Variants in WWOX observed in about 807,000 individuals in gnomAD.
WWOX encodes the protein WW domain containing oxidoreductase.
Under a neutral mutation model 46.2 loss-of-function variants are expected in WWOX, and 69 were observed. That is an observed-to-expected ratio of 1.49 (90% confidence interval 1.23 to 1.82). The LOEUF (loss-of-function observed/expected upper bound fraction) is 1.82, where lower values mean the gene tolerates loss of function less well. WWOX is among the 40% of genes most tolerant of loss of function. WWOX has a pLI of 0.00. For synonymous variants in WWOX, 359 were observed against 202.6 expected (o/e 1.77, Z -6.56); for missense variants, 919 against 542.6 (o/e 1.69, Z -6.89).
intron 8 of WWOX, among the ~76,000 whole-genome samples, chr16:79,184,113 C>T (rs192347879): frequency 6.6e-4 from 101 of 152,310 alleles, no homozygotes; most frequent in African/African-American, 2.4e-3. Context: ...ATTGCCAGCA[C>T]AATCACTGAA....
At chr16:79,052,935 A>G (rs2048196334) in intron 8 of WWOX, among the ~76,000 whole-genome samples, 1 of 108,786 alleles carries the variant, frequency 9.2e-6, no homozygotes, top group Non-Finnish European at 1.7e-5. Context: ...TCACTGATTC[A>G]TGGGGACCCT....
intron 5 of WWOX, among the ~76,000 whole-genome samples, chr16:78,336,804 G>A (rs1294135631): frequency 1.3e-5 from 2 of 152,032 alleles, no homozygotes; most frequent in Non-Finnish European, 2.9e-5. Context: ...GTTTTTGTTT[G>A]TTTTCGAGAC....
chr16:79,206,467 TACTA>T (rs1305275430), intron 8 of WWOX: 2 of 152,200 alleles, frequency 1.3e-5, no homozygotes, highest in African/African-American at 4.8e-5. Flanking sequence ...TAAATGGAAA[TACTA>T]ACTGTCCCTG....
intron 8 of WWOX, among the ~76,000 whole-genome samples, chr16:79,011,363 C>A (rs2047303879): frequency 6.6e-6 from 1 of 151,900 alleles, no homozygotes; most frequent in Non-Finnish European, 1.5e-5. Flanking sequence ...TCCAATCCTG[C>A]CCCCTTTGGA....
At chr16:78,510,721 G>A (rs148520386) in intron 8 of WWOX, among the ~76,000 whole-genome samples, 1,746 of 152,152 alleles carry the variant, frequency 0.011, 33 homozygotes, top group Middle Eastern at 0.041. Context: ...CAGATCCTTC[G>A]TATCAGTAAA....
chr16:78,544,639 A>C (rs1235758930), intron 8 of WWOX, among the ~76,000 whole-genome samples: 1 of 152,202 alleles, frequency 6.6e-6, no homozygotes, highest in African/African-American at 2.4e-5. Context: ...TAATTCCAGC[A>C]CTTTGAGAGG....
chr16:78,818,744 C>T (rs1006908502), intron 8 of WWOX, among the ~76,000 whole-genome samples: 1 of 152,182 alleles, frequency 6.6e-6, no homozygotes, highest in Non-Finnish European at 1.5e-5. Context: ...ACTAGCTTGC[C>T]AGTCAAGTCA....
intron 8 of WWOX, among the ~76,000 whole-genome samples, chr16:78,878,405 C>G (rs1373141923): frequency 1.3e-5 from 2 of 152,168 alleles, no homozygotes; most frequent in Non-Finnish European, 2.9e-5. Flanking sequence ...ACAAATTGAC[C>G]TCTCTAAGCC....
At chr16:78,866,141 C>G (rs2043998429) in intron 8 of WWOX, among the ~76,000 whole-genome samples, 1 of 152,144 alleles carries the variant, frequency 6.6e-6, no homozygotes, top group Non-Finnish European at 1.5e-5. Context: ...ACATAGATTT[C>G]CCATCTAGCT....
intron 8 of WWOX, among the ~76,000 whole-genome samples, chr16:78,735,353 A>G (rs1028734615): frequency 7.9e-5 from 12 of 151,798 alleles, no homozygotes; most frequent in Middle Eastern, 3.4e-3. Flanking sequence ...GGTTCTCCAG[A>G]GAATCAGAAC....
chr16:78,688,799 C>T (rs759877547), intron 8 of WWOX, among the ~76,000 whole-genome samples: 1 of 152,138 alleles, frequency 6.6e-6, no homozygotes. Context: ...TCATAATCCC[C>T]ACGTGTCATG....
intron 6 of WWOX, among the ~76,000 whole-genome samples, chr16:78,405,878 G>T (rs1284792542): frequency 6.6e-6 from 1 of 152,146 alleles, no homozygotes; most frequent in African/African-American, 2.4e-5. Context: ...GCAGACACAG[G>T]TGACGAAGTG....
At chr16:78,549,495 G>A (rs1032842459) in intron 8 of WWOX, among the ~76,000 whole-genome samples, 1 of 152,050 alleles carries the variant, frequency 6.6e-6, no homozygotes. Context: ...AAGTTGGATC[G>A]ACCATTAATC....
rs141645792 is a variant in WWOX at position 78,472,045 on chromosome 16, T to C, written c.1056+39293T>C. On this transcript the variant is annotated intron_variant, in intron 8 of 8. Transcript: ENST00000566780. Reference sequence around the variant, plus strand: ...CTTTGATTATTCTGGTTAGGTGTTATGATGCCAATTTGCCCACACATTTTT... The same window carrying C: ...CTTTGATTATTCTGGTTAGGTGTTACGATGCCAATTTGCCCACACATTTTT... 2.3e-3 allele frequency among the ~76,000 whole-genome samples: 351 copies of C among 152,372 alleles called. 6 individuals are homozygous for C. The East Asian group carries it at 0.057, about 25-fold the overall frequency.
intron 8 of WWOX, among the ~76,000 whole-genome samples, chr16:78,563,671 G>C (rs1350354459): frequency 6.6e-6 from 1 of 152,182 alleles, no homozygotes; most frequent in East Asian, 1.9e-4. Flanking sequence ...GGAATGATTA[G>C]TGATCTGATT....
chr16:78,784,487 A>C (rs1020798172), intron 8 of WWOX, among the ~76,000 whole-genome samples: 3 of 152,224 alleles, frequency 2.0e-5, no homozygotes, highest in African/African-American at 4.8e-5. Flanking sequence ...ATAAGAGTAC[A>C]GTCTCTGGAG....
chr16:78,762,329 C>T (rs1374959817), intron 8 of WWOX, among the ~76,000 whole-genome samples: 1 of 152,180 alleles, frequency 6.6e-6, no homozygotes, highest in Non-Finnish European at 1.5e-5. Context: ...GCTGGAGGTA[C>T]AGAATCTCAG....
chr16:79,012,923 G>A (rs573193605), intron 8 of WWOX, among the ~76,000 whole-genome samples: 1 of 152,296 alleles, frequency 6.6e-6, no homozygotes, highest in East Asian at 1.9e-4. Context: ...TGGGTGTGGT[G>A]GCTCATGCCT....
At chr16:79,190,319 C>A (rs1419150362) in intron 8 of WWOX, among the ~76,000 whole-genome samples, 3 of 152,118 alleles carry the variant, frequency 2.0e-5, no homozygotes, top group African/African-American at 7.2e-5. Context: ...GCCACCGTGC[C>A]CGGCCTCATA....
Sources: gnomAD v4.1 joint callset for allele counts (sites outside exome capture counted in the v4.1 genomes callset) on GRCh38, gnomAD v4.1.1 for gene constraint, MANE v1.5 for transcripts, NCBI Gene and HGNC (gene_info 2026-07-23, HGNC 2026-07-21) for gene names.